PLEKHA7: variants seen among roughly 807,000 people sequenced by gnomAD.
PLEKHA7 encodes the protein pleckstrin homology domain containing A7, also known as pleckstrin homology domain-containing family A member 7.
In PLEKHA7, 104 loss-of-function variants were observed where a neutral mutation model predicts 170.0. The ratio of observed to expected loss-of-function variants is 0.61; its 90% confidence interval spans 0.52 to 0.72. PLEKHA7 has a LOEUF of 0.72. PLEKHA7 is among the 30% of genes least tolerant of loss of function. The pLI is 0.00. For missense variants in PLEKHA7, 1,615 were observed against 1,671.7 expected (o/e 0.97, Z 0.59); for synonymous variants, 648 against 660.8 (o/e 0.98, Z 0.30).
chr11:16,984,095 T>G (rs1863592635), intron 3 of PLEKHA7, among the ~76,000 whole-genome samples: 1 of 151,934 alleles, frequency 6.6e-6, no homozygotes. Flanking sequence ...AATATTATCA[T>G]GAAGAACAAA....
chr11:16,909,263 C>T (rs906908406), intron 3 of PLEKHA7, among the ~76,000 whole-genome samples: 10 of 152,154 alleles, frequency 6.6e-5, no homozygotes, highest in African/African-American at 2.4e-4. Flanking sequence ...TTTGAGGTTA[C>T]TGAGGAACAA....
chr11:16,816,805 C>A lies in PLEKHA7; in HGVS notation c.1861G>T (p.Val621Phe). The A allele has an allele frequency of 6.2e-7, 1 of 1,613,402 alleles. No homozygotes were observed. The highest frequency in any genetic ancestry group is 1.1e-5 in the South Asian group (1 of 91,016). ...CAGAGCTTCCCGAGCCTCACCTTGACAGCGTGGCCCCGTGCCCTCCTTGGA... is the reference window on the plus strand; with the variant it reads ...CAGAGCTTCCCGAGCCTCACCTTGAAAGCGTGGCCCCGTGCCCTCCTTGGA... ...DSPRRARGHAVKNSSHVDRRS... is the reference protein window; with the variant it reads ...DSPRRARGHAFKNSSHVDRRS... Residue 621 changes from valine to phenylalanine, a missense_variant, in exon 11 of 27, where the codon GTC (valine) becomes TTC (phenylalanine). Coordinates refer to ENST00000531066, the MANE Select transcript of PLEKHA7 (RefSeq NM_001329630.2).
At position 16,783,816 on chromosome 11, in the gene PLEKHA7, C is replaced by T; in HGVS notation, c.3534G>A (p.Lys1178=). 6.7e-7 allele frequency: 1 copy of T among 1,501,764 alleles called. No homozygotes were observed. Among genetic ancestry groups the T allele is most frequent in the Non-Finnish European group, 8.8e-7 (1 of 1,130,406 alleles). The allele number at this position is 1,501,764 out of a possible 1,614,324, so 93.0% of individuals were successfully genotyped here. A position where few individuals can be genotyped will look rare whatever the true frequency, so the allele number is the denominator to read the frequency against. The change falls in exon 25 of 27, where the codon AAG becomes AAA. Residue 1178 remains lysine, a synonymous_variant. Coordinates refer to ENST00000531066, the MANE Select transcript of PLEKHA7 (RefSeq NM_001329630.2). Reference sequence around the variant, plus strand: ...CCACGTAGCGCTCAGGGATTGACACCTTCTCTGGTTTGGACAGCTGGGGAG... The same window carrying T: ...CCACGTAGCGCTCAGGGATTGACACTTTCTCTGGTTTGGACAGCTGGGGAG... The part of the protein sequence containing the change: ...DISRELSKPE[K]VSIPERYVEL...
At chr11:16,880,306 C>G (rs1412022770) in intron 3 of PLEKHA7, among the ~76,000 whole-genome samples, 5 of 152,190 alleles carry the variant, frequency 3.3e-5, no homozygotes, top group Non-Finnish European at 5.9e-5. Context: ...CCCAGCTCTG[C>G]CACACACTGG....
At chr11:16,833,936 C>A (rs1325801705) in intron 9 of PLEKHA7, among the ~76,000 whole-genome samples, 4 of 152,064 alleles carry the variant, frequency 2.6e-5, no homozygotes, top group Admixed American at 6.5e-5. Flanking sequence ...GTAATCCCAG[C>A]ACTTTGGGAG....
At chr11:17,010,983 G>A (rs951287505) in intron 3 of PLEKHA7, among the ~76,000 whole-genome samples, 2 of 152,208 alleles carry the variant, frequency 1.3e-5, no homozygotes, top group Non-Finnish European at 2.9e-5. Flanking sequence ...TTGAGGGTAG[G>A]GAACACTGTC....
At chr11:16,974,134 C>T (rs560796264) in intron 3 of PLEKHA7, among the ~76,000 whole-genome samples, 9 of 152,202 alleles carry the variant, frequency 5.9e-5, no homozygotes, top group Middle Eastern at 3.4e-3. Context: ...TGGTGGTGCA[C>T]GCCTATCATC....
intron 3 of PLEKHA7, among the ~76,000 whole-genome samples, chr11:17,002,970 AG>A (rs1194344291): frequency 6.9e-6 from 1 of 145,606 alleles, no homozygotes; most frequent in African/African-American, 2.5e-5. Flanking sequence ...ACATCCTTTA[AG>A]TACCAGAATA....
At chr11:16,947,222 G>C (rs1427461309) in intron 3 of PLEKHA7, among the ~76,000 whole-genome samples, 1 of 152,196 alleles carries the variant, frequency 6.6e-6, no homozygotes, top group Admixed American at 6.5e-5. Context: ...GGAGAAAAGG[G>C]AACCTTGTAC....
chr11:16,879,923 G>A (rs1855585663), intron 3 of PLEKHA7, among the ~76,000 whole-genome samples: 1 of 152,218 alleles, frequency 6.6e-6, no homozygotes, highest in African/African-American at 2.4e-5. Flanking sequence ...TGGCCCCTGA[G>A]TTCCCACATG....
At chr11:16,945,575 G>A (rs1590686663) in intron 3 of PLEKHA7, among the ~76,000 whole-genome samples, 1 of 152,250 alleles carries the variant, frequency 6.6e-6, no homozygotes, top group African/African-American at 2.4e-5. Flanking sequence ...GAAGGGCAGA[G>A]AAGGAGGGCT....
intron 8 of PLEKHA7, among the ~76,000 whole-genome samples, chr11:16,847,515 GCT>G (rs1852540674): frequency 1.3e-5 from 2 of 152,108 alleles, no homozygotes; most frequent in Non-Finnish European, 2.9e-5. Flanking sequence ...AGAGATATAA[GCT>G]GGGGCCTCGT....
intron 9 of PLEKHA7, among the ~76,000 whole-genome samples, chr11:16,838,246 G>C (rs558061707): frequency 6.6e-6 from 1 of 152,306 alleles, no homozygotes; most frequent in South Asian, 2.1e-4. Context: ...GGTGGCTGGT[G>C]ACTGTCATCT....
chr11:16,847,078 G>GT lies in PLEKHA7; in HGVS notation c.696+4112dup, dbSNP rs1221318542. On this transcript the variant is annotated intron_variant, in intron 8 of 26. Transcript: ENST00000531066. Reference sequence around the variant, plus strand: ...AAGGGCATTCCAGGCTGTGGCTGAAGTTTTTTTTTTTCTTTTTTTTTTTTT... The same window carrying GT: ...AAGGGCATTCCAGGCTGTGGCTGAAGTTTTTTTTTTTTCTTTTTTTTTTTTT... 7.8e-3 allele frequency among the ~76,000 whole-genome samples: 1,012 copies of GT among 129,432 alleles called. 19 individuals carry two copies. Among genetic ancestry groups the GT allele is most frequent in the African/African-American group, 0.025 (863 of 34,910 alleles). The allele number at this position is 129,432 out of a possible 152,430, so 84.9% of individuals were successfully genotyped here. A position where few individuals can be genotyped will look rare whatever the true frequency, so the allele number is the denominator to read the frequency against.
chr11:16,906,938 C>G (rs1008676711), intron 3 of PLEKHA7, among the ~76,000 whole-genome samples: 1 of 149,128 alleles, frequency 6.7e-6, no homozygotes, highest in African/African-American at 2.5e-5. Flanking sequence ...TGCCCTGCCG[C>G]CCCGTCTGGG....
At chr11:16,874,489 G>T (rs1855129188) in intron 3 of PLEKHA7, among the ~76,000 whole-genome samples, 1 of 152,170 alleles carries the variant, frequency 6.6e-6, no homozygotes. Context: ...CTAGGTGACA[G>T]AGTGAGGCTC....
chr11:16,917,043 A>G (rs751065172), intron 3 of PLEKHA7, among the ~76,000 whole-genome samples: 4 of 152,036 alleles, frequency 2.6e-5, no homozygotes, highest in Non-Finnish European at 5.9e-5. Flanking sequence ...ACACAGTGAA[A>G]CCCTGTCTCT....
intron 3 of PLEKHA7, among the ~76,000 whole-genome samples, chr11:16,985,392 A>C (rs1863662463): frequency 6.6e-6 from 1 of 152,246 alleles, no homozygotes; most frequent in East Asian, 1.9e-4. Context: ...AGATACACAA[A>C]ACTGAACTAG....
At chr11:16,833,337 T>C (rs1851264592) in intron 9 of PLEKHA7, among the ~76,000 whole-genome samples, 1 of 152,124 alleles carries the variant, frequency 6.6e-6, no homozygotes, top group Non-Finnish European at 1.5e-5. Context: ...GCAAAATCCC[T>C]TTTAAAGTTG....
Sources: allele counts gnomAD v4.1 joint callset (sites outside exome capture counted in the v4.1 genomes callset), GRCh38; gene constraint gnomAD v4.1.1; transcripts MANE v1.5; gene names NCBI Gene and HGNC (gene_info 2026-07-23, HGNC 2026-07-21).